Variants in HNF1A observed in about 807,000 individuals in gnomAD.
The protein encoded by HNF1A is hepatocyte nuclear factor 1-alpha.
In HNF1A, 21 loss-of-function variants were observed where a neutral mutation model predicts 62.2. The observed-to-expected ratio is 0.34, with a 90% CI of 0.24 to 0.49. The LOEUF (loss-of-function observed/expected upper bound fraction) is 0.49. Ranked by LOEUF, HNF1A falls within the 20% of genes least tolerant of loss-of-function variation. The pLI is 0.99. For synonymous variants in HNF1A, 374 were observed against 366.8 expected (o/e 1.02, Z -0.22); for missense variants, 687 against 832.3 (o/e 0.83, Z 2.15).
At position 120,978,946 on chromosome 12, in the gene HNF1A, C is replaced by G; in HGVS notation, c.178C>G (p.Leu60Val). The part of the protein sequence containing the change: ...CGGGRGELAE[L>V]PNGLGETRGS... The stretch of plus-strand genomic sequence containing the variant: ...CGGCGGTCGAGGGGAGCTGGCTGAG[C>G]TGCCCAATGGGCTGGGGGAGACTCG... Residue 60 changes from leucine (L) to valine (V), a missense_variant, in exon 1 of 10, where the codon CTG becomes GTG. Physicochemically the swap from Leu to Val is conservative, Grantham distance 32. Transcript: ENST00000257555. 6.2e-7 allele frequency: 1 copy of G among 1,609,502 alleles called. No homozygotes were observed. The highest frequency in any genetic ancestry group is 8.5e-7 in the Non-Finnish European group (1 of 1,178,010).
At chr12:120,979,999 A>T (rs967308799) in intron 1 of HNF1A, among the ~76,000 whole-genome samples, 2 of 151,942 alleles carry the variant, frequency 1.3e-5, no homozygotes, top group Non-Finnish European at 2.9e-5. Flanking sequence ...CCTGGGGGCT[A>T]CAGGGGCCAC....
intron 1 of HNF1A, among the ~76,000 whole-genome samples, chr12:120,987,993 C>T (rs1420736742): frequency 6.6e-6 from 1 of 151,978 alleles, no homozygotes; most frequent in African/African-American, 2.4e-5. Flanking sequence ...CTTCGTCCAT[C>T]CATCCATCAT....
chr12:120,986,164 A>C (rs528335269), intron 1 of HNF1A, among the ~76,000 whole-genome samples: 1 of 152,240 alleles, frequency 6.6e-6, no homozygotes, highest in Admixed American at 6.5e-5. Context: ...GGTATTTTAC[A>C]CGTGCACAAA....
rs573118319 is a variant in HNF1A at position 120,999,610 on chromosome 12, T to C, written c.1751T>C (p.Leu584Pro). The change falls in exon 9 of 10, where the codon CTC becomes CCC. Residue 584 changes from leucine to proline, a missense_variant. Leu to Pro is a moderately conservative substitution (Grantham distance 98). This residue lies in a region of HNF1A where 408 missense variants were observed against 455.3 expected (regional missense o/e 0.90). Transcript: ENST00000257555. Reference protein sequence around the residue: ...SIQHLQPAHRLSASPTVSSSS... With the variant: ...SIQHLQPAHRPSASPTVSSSS... ...CAGCACCTGCAGCCGGCCCACCGGC[T>C]CAGCGCCAGCCCCACAGGTGAGAGG... 5.0e-6 allele frequency: 8 copies of C among 1,611,084 alleles called. No homozygotes were observed. The South Asian group carries it at 7.7e-5, about 15-fold the overall frequency.
chr12:120,986,866 G>A (rs1236919316), intron 1 of HNF1A, among the ~76,000 whole-genome samples: 1 of 152,160 alleles, frequency 6.6e-6, no homozygotes, highest in East Asian at 1.9e-4. Context: ...TGGGATTACA[G>A]GTGTGAGTCA....
intron 1 of HNF1A, among the ~76,000 whole-genome samples, chr12:120,987,344 G>A (rs1050136157): frequency 1.1e-4 from 17 of 151,678 alleles, no homozygotes; most frequent in Admixed American, 5.3e-4. Flanking sequence ...GCGTGGTGGC[G>A]GGTGCCTGTA....
rs144065377 is a variant in HNF1A at position 120,986,215 on chromosome 12, A to C, written c.327-2618A>C. On this transcript the variant is annotated intron_variant, in intron 1 of 9. Coordinates refer to ENST00000257555, the MANE Select transcript of HNF1A (RefSeq NM_000545.8). ...TTTTACCTCACTTCAAATTATTCAT[A>C]AGTAGCAGCACAGCAGACACACCAG... is the stretch of plus-strand genomic sequence containing the variant. Among the ~76,000 whole-genome samples the C allele has an allele frequency of 5.9e-5, 9 of 152,236 alleles. No individual in the cohort carries two copies. In the East Asian group the frequency reaches 9.6e-4, roughly 16 times the overall value.
intron 1 of HNF1A, among the ~76,000 whole-genome samples, chr12:120,984,615 C>T (rs896698004): frequency 6.6e-6 from 1 of 151,824 alleles, no homozygotes; most frequent in Non-Finnish European, 1.5e-5. Flanking sequence ...GAGCACCAGG[C>T]TGGACTTTGT....
At chr12:120,993,480 G>A in intron 2 of HNF1A, 40 bp from the exon 3 acceptor site, 6 of 1,602,930 alleles carry the variant, frequency 3.7e-6, no homozygotes, top group Non-Finnish European at 5.1e-6. Context: ...GGGAAGGTGA[G>A]AGTGGCCAGT....
Position 120,994,302 on chromosome 12 carries a change from C to T in HNF1A, c.852C>T (p.Asp284=), listed in dbSNP as rs934940026. ...CCTTCCGGCACAAGCTGGCCATGGA[C>T]ACGTACAGCGGGCCCCCCCCAGGGC... ...EEAFRHKLAM[D]TYSGPPPGPG... is the part of the protein sequence containing the mutation. Residue 284 remains aspartate, a synonymous_variant, in exon 4 of 10, where the codon GAC becomes GAT. Coordinates refer to ENST00000257555, the MANE Select transcript of HNF1A (RefSeq NM_000545.8). 1.9e-6 allele frequency: 3 copies of T among 1,612,338 alleles called. No individual in the cohort carries two copies. Among genetic ancestry groups the T allele is most frequent in the South Asian group, 1.1e-5 (1 of 90,820 alleles).
intron 1 of HNF1A, chr12:120,980,541 G>A (rs1876199891): frequency 6.6e-6 from 1 of 152,338 alleles, no homozygotes; most frequent in Non-Finnish European, 1.5e-5. Flanking sequence ...CAGACCCAGG[G>A]CGAAGGCAAC....
intron 1 of HNF1A, among the ~76,000 whole-genome samples, chr12:120,982,468 G>A (rs991768880): frequency 1.3e-5 from 2 of 151,966 alleles, no homozygotes; most frequent in African/African-American, 4.8e-5. Context: ...GGAGGGGGGG[G>A]GGACAGAGGA....
intron 1 of HNF1A, among the ~76,000 whole-genome samples, chr12:120,982,988 G>A (rs139585271): frequency 1.3e-3 from 199 of 152,216 alleles, no homozygotes; most frequent in Non-Finnish European, 2.9e-4. Context: ...TCACAGATGC[G>A]GAAACTGAGG....
rs1396684157 is a variant in HNF1A at position 120,978,680 on chromosome 12, TGCCG to T, written c.-82_-79del. 10 of 1,281,556 alleles carry T rather than the reference TGCCG, an allele frequency of 7.8e-6. No individual in the cohort carries two copies. In the South Asian group the frequency reaches 1.2e-4, roughly 15 times the overall value. 79.4% of individuals were successfully genotyped at this position (1,281,556 alleles called of 1,614,324 possible). A position where few individuals can be genotyped will look rare whatever the true frequency, so the allele number is the denominator to read the frequency against. On this transcript the variant is annotated 5_prime_UTR_variant, in exon 1 of 10. Transcript: ENST00000257555. ...GGGTGCAAGGAGTTTGGTTTGTGTC[TGCCG>T]GCCGGCAGGCAAACGCAACCCACGC...
intron 7 of HNF1A, 70 bp downstream of exon 7, chr12:120,997,735 G>A (rs762280046): frequency 1.3e-6 from 2 of 1,485,736 alleles, no homozygotes; most frequent in Admixed American, 1.9e-5. Context: ...GCAGGGGAAA[G>A]GGGTGCCTGG....
At position 121,001,240 on chromosome 12, in the gene HNF1A, T is replaced by A. The variant is rs754994233; in HGVS notation, c.*48T>A. On this transcript the variant is annotated 3_prime_UTR_variant, in exon 10 of 10. Transcript: ENST00000257555. ...CCTGTACTGCCTGCTTGGGGGGTGA[T>A]GAGGGCAGCAGCCAGCCCTGCCTGG... The A allele has an allele frequency of 1.9e-6, 3 of 1,608,630 alleles. No individual in the cohort carries two copies. The highest frequency in any genetic ancestry group is 1.3e-5 in the African/African-American group (1 of 74,924).
chr12:120,990,036 CT>C (rs1876732661), intron 2 of HNF1A, among the ~76,000 whole-genome samples: 1 of 152,160 alleles, frequency 6.6e-6, no homozygotes, highest in East Asian at 1.9e-4. Context: ...TTCTCCAGGC[CT>C]CATACCCCAC....
intron 2 of HNF1A, among the ~76,000 whole-genome samples, chr12:120,990,556 A>C (rs777191706): frequency 6.6e-6 from 1 of 151,462 alleles, no homozygotes; most frequent in Non-Finnish European, 1.5e-5. Context: ...CCTGGACAAC[A>C]TGGCAAGGTT....
chr12:120,990,846 C>A (rs1876801802), intron 2 of HNF1A, among the ~76,000 whole-genome samples: 1 of 152,108 alleles, frequency 6.6e-6, no homozygotes, highest in African/African-American at 2.4e-5. Flanking sequence ...CTTGTGTATC[C>A]TTCCAGAGAG....
Sources: allele counts gnomAD v4.1 joint callset (sites outside exome capture counted in the v4.1 genomes callset), GRCh38; gene constraint gnomAD v4.1.1; regional missense constraint gnomAD v4.1.1; transcripts MANE v1.5; gene names NCBI Gene and HGNC (gene_info 2026-07-23, HGNC 2026-07-21).